P3H4: variants seen among roughly 807,000 people sequenced by gnomAD.
P3H4 encodes the protein endoplasmic reticulum protein SC65.
P3H4 carries 47 observed loss-of-function variants against 52.9 expected under a neutral mutation model. The ratio of observed to expected loss-of-function variants is 0.89; its 90% CI spans 0.70 to 1.13. The LOEUF (loss-of-function observed/expected upper bound fraction) is 1.13. Among genes scored for constraint, P3H4 ranks in the 50% most tolerant of loss-of-function variants. P3H4 has a pLI of 0.00. For synonymous variants in P3H4, 256 were observed against 267.9 expected (o/e 0.96, Z 0.44); for missense variants, 585 against 611.0 (o/e 0.96, Z 0.45).
chr17:41,803,460 A>C lies in P3H4; in HGVS notation c.1147-29T>G, dbSNP rs782657149. ...GAGTAGCGCCACGGTTGTGGGAGAA[A>C]CCGGGTCACAGTACGCCCAAACCCA... On this transcript the variant is annotated intron_variant, in intron 6 of 7. Transcript: ENST00000393928. 6 of 1,609,198 alleles carry C rather than the reference A, an allele frequency of 3.7e-6. No individual in the cohort carries two copies. In the African/African-American group the frequency reaches 8.0e-5, roughly 22 times the overall value.
At position 41,803,441 on chromosome 17, in the gene P3H4, C is replaced by A; in HGVS notation, c.1147-10G>T. Reference sequence around the variant, plus strand: ...TCTCCTCCAGCTCCATCTAGAGTAGCGCCACGGTTGTGGGAGAAACCGGGT... The same window carrying A: ...TCTCCTCCAGCTCCATCTAGAGTAGAGCCACGGTTGTGGGAGAAACCGGGT... On this transcript the variant is annotated splice_polypyrimidine_tract_variant and intron_variant, in intron 6 of 7. Coordinates refer to ENST00000393928, the MANE Select transcript of P3H4 (RefSeq NM_006455.3). 2.5e-6 allele frequency: 4 copies of A among 1,612,642 alleles called. No homozygotes were observed. The highest frequency in any genetic ancestry group is 3.4e-6 in the Non-Finnish European group (4 of 1,179,284).
At chr17:41,809,370 C>T (rs779543121) in intron 4 of P3H4, among the ~76,000 whole-genome samples, 3 of 152,144 alleles carry the variant, frequency 2.0e-5, no homozygotes, top group East Asian at 1.9e-4. Context: ...GAGCCGAGAT[C>T]GTGCCCCTGC....
At chr17:41,803,773 T>C (rs568040804) in intron 6 of P3H4, among the ~76,000 whole-genome samples, 1 of 152,192 alleles carries the variant, frequency 6.6e-6, no homozygotes, top group Non-Finnish European at 1.5e-5. Context: ...TGCTGTCCCC[T>C]GTGCCTGCGT....
chr17:41,803,697 C>A lies in P3H4; in HGVS notation c.1147-266G>T, dbSNP rs574899923. On this transcript the variant is annotated intron_variant, in intron 6 of 7. Transcript: ENST00000393928. ...CAGCCCCACCTTTTAAGCATAAAGA[C>A]CCTGGCAAGAATATTGCTAGTCCAT... Among the ~76,000 whole-genome samples, 5 of 152,278 alleles carry A rather than the reference C, an allele frequency of 3.3e-5. No homozygotes were observed. In the South Asian group the frequency reaches 1.0e-3, roughly 32 times the overall value.
At position 41,803,280 on chromosome 17, in the gene P3H4, C is replaced by T; in HGVS notation, c.1291+7G>A. On this transcript the variant is annotated splice_region_variant and intron_variant, in intron 7 of 7. Transcript: ENST00000393928. ...ATCCCCACCCCCCAAGGACTCGTGT[C>T]ACTGACCAGCCTCGGCCTCGTCACC... 1 of 1,612,374 alleles carries T rather than the reference C, an allele frequency of 6.2e-7. No individual in the cohort carries two copies. The highest frequency in any genetic ancestry group is 8.5e-7 in the Non-Finnish European group (1 of 1,179,168).
Position 41,811,767 on chromosome 17 carries a change from T to C in P3H4, c.149A>G (p.Glu50Gly). The change falls in exon 1 of 8, where the codon GAG becomes GGG. Residue 50 changes from glutamate (E) to glycine (G), a missense_variant. Transcript: ENST00000393928. The surrounding 1 kb of genome is among the most constrained non-coding windows in gnomAD (Gnocchi z 4.8). ...GTAGCGCGCGCTCTCGCGCCAGCTC[T>C]CTCCCTCGTACTGCTCCAGAGCGTG... The part of the protein sequence containing the change: ...YGHALEQYEG[E>G]SWRESARYLE... 6.6e-7 allele frequency: 1 copy of C among 1,525,824 alleles called. No individual in the cohort carries two copies. The allele number at this position is 1,525,824 out of a possible 1,614,324, so 94.5% of individuals were successfully genotyped here.
chr17:41,811,566 C>G lies in P3H4; in HGVS notation c.350G>C (p.Arg117Pro). 6.2e-7 allele frequency: 1 copy of G among 1,605,122 alleles called. No individual in the cohort carries two copies. Among genetic ancestry groups the G allele is most frequent in the Non-Finnish European group, 8.5e-7 (1 of 1,177,140 alleles). ...GRVLERAACL[R>P]RCKRTLPAFQ... ...GGCGGGCAGCGTCCGCTTGCAGCGC[C>G]GCAGGCAGGCGGCTCGCTCCAGGAC... The change falls in exon 1 of 8, where the codon CGG (arginine) becomes CCG (proline). Residue 117 changes from arginine (R) to proline (P), a missense_variant. Arg to Pro is a moderately radical substitution (Grantham distance 103, BLOSUM62 -2). Transcript: ENST00000393928. The surrounding 1 kb of genome is among the most constrained non-coding windows in gnomAD (Gnocchi z 4.8).
At chr17:41,804,781 C>T (rs1328068298) in intron 6 of P3H4, among the ~76,000 whole-genome samples, 1 of 151,454 alleles carries the variant, frequency 6.6e-6, no homozygotes, top group Non-Finnish European at 1.5e-5. Flanking sequence ...ACCAGCCTGG[C>T]CAACGTGGTG....
chr17:41,810,814 G>A (rs782697662), intron 3 of P3H4, 49 bp downstream of exon 3: 53 of 1,572,394 alleles, frequency 3.4e-5, no homozygotes, highest in Admixed American at 1.6e-4. Flanking sequence ...CTGCCTTACC[G>A]GGCCCTGTGG....
Position 41,807,903 on chromosome 17 carries a change from G to C in P3H4, c.1018C>G (p.Arg340Gly). The change falls in exon 5 of 8, where the codon CGG (arginine) becomes GGG (glycine). Residue 340 changes from arginine to glycine, a missense_variant. Arg to Gly is a moderately radical substitution (Grantham distance 125, BLOSUM62 -2). Transcript: ENST00000393928. ...QQNLVYYRFH[R>G]ARWGLEEEDF... ...TCCTCTTCCAGGCCCCAGCGAGCCC[G>C]GTGGAACCGGTAATACACCAGGTTC... 1 of 1,614,084 alleles carries C rather than the reference G, an allele frequency of 6.2e-7. No homozygotes were observed.
At position 41,803,306 on chromosome 17, in the gene P3H4, CT is replaced by C; in HGVS notation, c.1271del (p.Lys424ArgfsTer59). On this transcript the variant is annotated frameshift_variant, in exon 7 of 8. Transcript: ENST00000393928. LOFTEE classifies it high-confidence loss of function. Reference protein sequence around the residue: ...YADWWQEPDAKGDEAEAEPEP... With the variant: ...YADWWQEPDAXGDEAEAEPEP... Reference sequence around the variant, plus strand: ...ACTGACCAGCCTCGGCCTCGTCACCCTTGGCATCCGGCTCCTGCCACCAGTC... The same window carrying C: ...ACTGACCAGCCTCGGCCTCGTCACCCTGGCATCCGGCTCCTGCCACCAGTC... 2 of 1,613,972 alleles carry C rather than the reference CT, an allele frequency of 1.2e-6. No homozygotes were observed. Among genetic ancestry groups the C allele is most frequent in the Non-Finnish European group, 1.7e-6 (2 of 1,179,924 alleles).
intron 5 of P3H4, chr17:41,807,615 A>G: frequency 3.4e-6 from 1 of 295,586 alleles, no homozygotes; most frequent in Non-Finnish European, 6.3e-6. Context: ...CTCCTGCCTC[A>G]GCTTCCCGAG....
intron 3 of P3H4, 33 bp from the exon 4 acceptor site, chr17:41,809,867 A>C (rs782514458): frequency 1.2e-6 from 2 of 1,602,776 alleles, no homozygotes; most frequent in East Asian, 4.5e-5. Flanking sequence ...AGAGGCTGGC[A>C]TTGCAATGAA....
chr17:41,811,778 CT>C lies in P3H4; in HGVS notation c.137del (p.Gln46ArgfsTer132). 6.5e-7 allele frequency: 1 copy of C among 1,533,288 alleles called. No individual in the cohort carries two copies. Among genetic ancestry groups the C allele is most frequent in the Non-Finnish European group, 8.7e-7 (1 of 1,151,966 alleles). 95.0% of individuals were successfully genotyped at this position (1,533,288 alleles called of 1,614,324 possible). A position where few individuals can be genotyped will look rare whatever the true frequency, so the allele number is the denominator to read the frequency against. ...TCTCGCGCCAGCTCTCTCCCTCGTA[CT>C]GCTCCAGAGCGTGCCCGTACGCCGC... is the stretch of plus-strand genomic sequence containing the variant. ...LAAAYGHALE[Q>X]YEGESWRESA... On this transcript the variant is annotated frameshift_variant, in exon 1 of 8. Transcript: ENST00000393928. LOFTEE classifies it high-confidence loss of function. This position sits in a 1 kb window ranked among gnomAD's most constrained non-coding sequence, Gnocchi z 4.8.
Position 41,803,358 on chromosome 17 carries a change from C to A in P3H4, c.1220G>T (p.Gly407Val), listed in dbSNP as rs2047638277. Residue 407 changes from glycine (G) to valine (V), a missense_variant, in exon 7 of 8, where the codon GGT becomes GTT. Coordinates refer to ENST00000393928, the MANE Select transcript of P3H4 (RefSeq NM_006455.3). ...AGCATACATGCCCTCCTCGTAGTCA[C>A]CCTCCCCCTCAAACTCGGCGTCAGA... ...ALSDAEFEGE[G>V]DYEEGMYADW... 6.2e-7 allele frequency: 1 copy of A among 1,614,010 alleles called. No individual in the cohort carries two copies. Among genetic ancestry groups the A allele is most frequent in the Non-Finnish European group, 8.5e-7 (1 of 1,180,012 alleles).
At chr17:41,809,362 G>C (rs1325881840) in intron 4 of P3H4, among the ~76,000 whole-genome samples, 1 of 152,194 alleles carries the variant, frequency 6.6e-6, no homozygotes, top group Non-Finnish European at 1.5e-5. Context: ...GTTGCAGTGA[G>C]CCGAGATCGT....
Position 41,811,898 on chromosome 17 carries a change from C to T in P3H4, c.18G>A (p.Trp6Ter), listed in dbSNP as rs905537844. 9 of 1,516,184 alleles carry T rather than the reference C, an allele frequency of 5.9e-6. No homozygotes were observed. In the Admixed American group the frequency reaches 6.2e-5, roughly 10 times the overall value. 93.9% of individuals were successfully genotyped at this position (1,516,184 alleles called of 1,614,324 possible). MARVA[W>*]GLLWLLLGSA... Reference sequence around the variant, plus strand: ...TGCCCAGCAGCAACCACAGCAGCCCCCACGCCACCCGAGCCATGCCCGCCG... The same window carrying T: ...TGCCCAGCAGCAACCACAGCAGCCCTCACGCCACCCGAGCCATGCCCGCCG... Residue 6 changes from tryptophan to a stop codon, truncating the protein, a stop_gained, in exon 1 of 8, where the codon TGG (tryptophan) becomes TGA (stop). Transcript: ENST00000393928. LOFTEE classifies it high-confidence loss of function. The surrounding 1 kb of genome is among the most constrained non-coding windows in gnomAD (Gnocchi z 4.8).
rs2144033856 is a variant in P3H4, at chr17:41,811,543, C to T, written c.373G>A (p.Ala125Thr). 1.9e-6 allele frequency: 3 copies of T among 1,610,108 alleles called. No individual in the cohort carries two copies. The highest frequency in any genetic ancestry group is 2.5e-6 in the Non-Finnish European group (3 of 1,179,020). ...CLRRCKRTLP[A>T]FQVPYPPRQL... ...CGCGGCGGGTAGGGCACCTGGAAGG[C>T]GGGCAGCGTCCGCTTGCAGCGCCGC... is the stretch of plus-strand genomic sequence containing the variant. Residue 125 changes from alanine to threonine, a missense_variant, in exon 1 of 8, where the codon GCC (alanine) becomes ACC (threonine). Ala to Thr is a moderately conservative substitution (Grantham distance 58). Transcript: ENST00000393928. The surrounding 1 kb of genome is among the most constrained non-coding windows in gnomAD (Gnocchi z 4.8).
chr17:41,806,906 G>A, intron 5 of P3H4, 27 bp from the exon 6 acceptor site: 2 of 1,590,874 alleles, frequency 1.3e-6, no homozygotes, highest in Non-Finnish European at 1.7e-6. Flanking sequence ...ACGGGGTGGG[G>A]GGTGAGCCAT....
Sources: allele counts gnomAD v4.1 joint callset (sites outside exome capture counted in the v4.1 genomes callset), GRCh38; gene constraint gnomAD v4.1.1; non-coding constraint Gnocchi (gnomAD v3.1); transcripts MANE v1.5; gene names NCBI Gene and HGNC (gene_info 2026-07-23, HGNC 2026-07-21).